WDR17: variants seen among roughly 807,000 people sequenced by gnomAD.
WDR17 encodes WD repeat domain 17, also known as WD repeat-containing protein 17.
WDR17 carries 143 observed loss-of-function variants against 161.7 expected under a neutral mutation model. That is an observed-to-expected ratio of 0.88 (90% confidence interval 0.77 to 1.02). The LOEUF (loss-of-function observed/expected upper bound fraction) is 1.02. Among genes scored for constraint, WDR17 ranks in the 50% least tolerant of loss-of-function variants. WDR17 has a pLI of 0.00. For synonymous variants in WDR17, 517 were observed against 515.6 expected (o/e 1.00, Z -0.04); for missense variants, 1,469 against 1,520.9 (o/e 0.97, Z 0.57).
At chr4:176,139,517 T>G (rs1459766173) in intron 9 of WDR17, among the ~76,000 whole-genome samples, 4 of 152,018 alleles carry the variant, frequency 2.6e-5, no homozygotes, top group Non-Finnish European at 5.9e-5. Flanking sequence ...AGTAGCACTG[T>G]GTTTGGAAGC....
At chr4:176,166,657 TTA>T (rs1275358364) in intron 22 of WDR17, among the ~76,000 whole-genome samples, 1 of 152,184 alleles carries the variant, frequency 6.6e-6, no homozygotes, top group Non-Finnish European at 1.5e-5. Flanking sequence ...GAATAGAATT[TTA>T]GCACAGCTAT....
intron 18 of WDR17, among the ~76,000 whole-genome samples, chr4:176,157,752 T>G (rs1748388202): frequency 6.6e-6 from 1 of 152,248 alleles, no homozygotes; most frequent in East Asian, 1.9e-4. Flanking sequence ...TTTATTAGCA[T>G]CTAGTCATAT....
intron 1 of WDR17, among the ~76,000 whole-genome samples, chr4:176,098,804 A>T (rs562539101): frequency 1.3e-5 from 2 of 152,080 alleles, no homozygotes; most frequent in South Asian, 4.1e-4. Context: ...CATAGATTTT[A>T]AAAAATATCT....
In WDR17 at chr4:176,110,331, C is replaced by T. The variant is rs6836094; in HGVS notation, c.-6-1244C>T. On this transcript the variant is annotated intron_variant, in intron 1 of 28. Coordinates refer to ENST00000508596, the MANE Select transcript of WDR17 (RefSeq NM_181265.4). ...TAATTTTTTGTACTTTTAGTAGAGA[C>T]GGGGTTTCACCATGTTAGCCTCCTG... Among the ~76,000 whole-genome samples, 596 of 152,076 alleles carry T rather than the reference C, an allele frequency of 3.9e-3. 1 individual carries two copies. The highest frequency in any genetic ancestry group is 0.013 in the African/African-American group (552 of 41,490).
chr4:176,079,110 A>G (rs1447914943), intron 1 of WDR17, among the ~76,000 whole-genome samples: 1 of 152,124 alleles, frequency 6.6e-6, no homozygotes, highest in Non-Finnish European at 1.5e-5. Context: ...TCTGCATAAG[A>G]GTGAGAACAT....
At chr4:176,164,671 A>G (rs1749509730) in intron 22 of WDR17, among the ~76,000 whole-genome samples, 1 of 152,206 alleles carries the variant, frequency 6.6e-6, no homozygotes, top group Admixed American at 6.5e-5. Context: ...AACTCGGGAA[A>G]AGAACAACAC....
intron 12 of WDR17, among the ~76,000 whole-genome samples, chr4:176,146,595 C>T (rs1746209525): frequency 6.6e-6 from 1 of 152,034 alleles, no homozygotes; most frequent in Non-Finnish European, 1.5e-5. Flanking sequence ...CTATAAAAGC[C>T]TTTCTTGGGT....
rs563810893 is a variant in WDR17, at chr4:176,181,019, A to G, written c.*1440A>G. On this transcript the variant is annotated 3_prime_UTR_variant, in exon 29 of 29. Transcript: ENST00000508596. ...AAGAATAATCTCATATAACTAGAAT[A>G]CTTGTGGCTTTTATTATCTTTAAAC... The G allele has an allele frequency of 6.6e-6, 1 of 152,286 alleles. No individual in the cohort carries two copies. Among genetic ancestry groups the G allele is most frequent in the East Asian group, 1.9e-4 (1 of 5,186 alleles). The allele number at this position is 152,286 out of a possible 1,614,324, so 9.4% of individuals were successfully genotyped here.
Position 176,065,969 on chromosome 4 carries a change from C to CTGGCGGGG in WDR17, c.-117_-116insTGGCGGGG, listed in dbSNP as rs1732469277. The CTGGCGGGG allele has an allele frequency of 6.6e-6, 1 of 152,108 alleles. No individual in the cohort carries two copies. The allele number at this position is 152,108 out of a possible 1,614,324, so 9.4% of individuals were successfully genotyped here. A position where few individuals can be genotyped will look rare whatever the true frequency, so the allele number is the denominator to read the frequency against. ...CCCGCCCCCGGGCGCCCTGAGCGAG[C>CTGGCGGGG]AGGCGGGGAGGGCGGGGAGGGTCCG... On this transcript the variant is annotated 5_prime_UTR_variant, in exon 1 of 29. Coordinates refer to ENST00000508596, the MANE Select transcript of WDR17 (RefSeq NM_181265.4).
intron 17 of WDR17, 146 bp downstream of exon 17, chr4:176,152,113 T>C: frequency 1.6e-5 from 11 of 684,368 alleles, no homozygotes; most frequent in Non-Finnish European, 2.5e-5. Context: ...AGTTCGATAC[T>C]AGCCTGAGCA....
intron 10 of WDR17, among the ~76,000 whole-genome samples, chr4:176,140,227 T>C (rs1745036289): frequency 6.6e-6 from 1 of 152,072 alleles, no homozygotes; most frequent in South Asian, 2.1e-4. Context: ...CTTGAATTAT[T>C]ATGAAAAGAC....
rs886473049 is a variant in WDR17, at chr4:176,160,217, T to C, written c.2658+91T>C. The C allele has an allele frequency of 2.2e-5, 33 of 1,476,422 alleles. No homozygotes were observed. In the East Asian group the frequency reaches 5.5e-4, roughly 25 times the overall value. 91.5% of individuals were successfully genotyped at this position (1,476,422 alleles called of 1,614,324 possible). ...TGTTGACTGGCTCACCCTTACATAATTGACAAAGTCATAAAGGGCTTGGCT... is the reference window on the plus strand; with the variant it reads ...TGTTGACTGGCTCACCCTTACATAACTGACAAAGTCATAAAGGGCTTGGCT... On this transcript the variant is annotated intron_variant, in intron 19 of 28. Coordinates refer to ENST00000508596, the MANE Select transcript of WDR17 (RefSeq NM_181265.4).
At chr4:176,103,453 A>C (rs1156743800) in intron 1 of WDR17, among the ~76,000 whole-genome samples, 1 of 152,140 alleles carries the variant, frequency 6.6e-6, no homozygotes, top group Non-Finnish European at 1.5e-5. Context: ...AAAAATAAAC[A>C]GATGCTTTCT....
intron 4 of WDR17, among the ~76,000 whole-genome samples, 189 bp downstream of exon 4, chr4:176,120,286 TTTTA>T (rs1741342650): frequency 1.2e-5 from 1 of 80,042 alleles, no homozygotes; most frequent in African/African-American, 4.6e-5. Context: ...TCATTTGAAG[TTTTA>T]TATATATATA....
chr4:176,089,379 T>C (rs1419696916), intron 1 of WDR17, among the ~76,000 whole-genome samples: 2 of 152,208 alleles, frequency 1.3e-5, no homozygotes, highest in Non-Finnish European at 2.9e-5. Context: ...TTGATTATCA[T>C]AGTTCATTCT....
intron 1 of WDR17, among the ~76,000 whole-genome samples, chr4:176,082,981 G>A (rs1445747923): frequency 1.3e-5 from 2 of 151,936 alleles, no homozygotes; most frequent in Non-Finnish European, 2.9e-5. Flanking sequence ...TTTTAATAAA[G>A]ACTACATTTA....
intron 4 of WDR17, among the ~76,000 whole-genome samples, chr4:176,121,909 C>G (rs559040186): frequency 6.6e-6 from 1 of 152,284 alleles, no homozygotes; most frequent in South Asian, 2.1e-4. Context: ...ATAACCCAAT[C>G]TTCCAGTTGT....
At position 176,159,975 on chromosome 4, in the gene WDR17, A is replaced by C; in HGVS notation, c.2526-19A>C. On this transcript the variant is annotated intron_variant, in intron 18 of 28. Coordinates refer to ENST00000508596, the MANE Select transcript of WDR17 (RefSeq NM_181265.4). ...TTCAAAATAATATATTGTTTAAAAA[A>C]CTGTCCTTATTTTATTAGGAGAGCT... 3.8e-6 allele frequency: 6 copies of C among 1,565,426 alleles called. No homozygotes were observed. Among genetic ancestry groups the C allele is most frequent in the Non-Finnish European group, 5.2e-6 (6 of 1,151,078 alleles).
intron 10 of WDR17, among the ~76,000 whole-genome samples, chr4:176,140,420 G>C (rs1745070361): frequency 6.6e-6 from 1 of 152,040 alleles, no homozygotes; most frequent in African/African-American, 2.4e-5. Flanking sequence ...TTTGCAAGGA[G>C]AAATAAAGTC....
Sources: allele counts gnomAD v4.1 joint callset (sites outside exome capture counted in the v4.1 genomes callset), GRCh38; gene constraint gnomAD v4.1.1; transcripts MANE v1.5; gene names NCBI Gene and HGNC (gene_info 2026-07-23, HGNC 2026-07-21).